The following XIRP2 variants were observed in gnomAD, a reference collection of about 807,000 sequenced individuals.
The protein encoded by XIRP2 is xin actin-binding repeat-containing protein 2.
In XIRP2, 236 loss-of-function variants were observed where a neutral mutation model predicts 277.0. The ratio of observed to expected loss-of-function variants is 0.85; its 90% CI spans 0.77 to 0.95. The LOEUF is 0.95. XIRP2 is among the 40% of genes least tolerant of loss of function. The probability of loss-of-function intolerance (pLI) is 0.00; values close to 1 mark genes in which losing one functional copy is unlikely to be tolerated. For synonymous variants in XIRP2, 1,490 were observed against 1,416.5 expected (o/e 1.05, Z -1.17); for missense variants, 4,640 against 4,157.5 (o/e 1.12, Z -3.19).
chr2:167,214,276 AGAGGGAGGGAGG>A (rs200168568), intron 4 of XIRP2, among the ~76,000 whole-genome samples: 3 of 56,966 alleles, frequency 5.3e-5, no homozygotes, highest in Admixed American at 2.0e-4. Context: ...AGAGAGAAAG[AGAGGGAGGGAGG>A]GAGGGAGGGA....
chr2:167,144,407 C>G (rs1044940385), intron 3 of XIRP2, among the ~76,000 whole-genome samples: 87 of 152,024 alleles, frequency 5.7e-4, no homozygotes, highest in Non-Finnish European at 2.1e-4. Flanking sequence ...GCCAGAGGGT[C>G]TCAGGAATTG....
intron 2 of XIRP2, among the ~76,000 whole-genome samples, chr2:166,954,896 A>T (rs983355886): frequency 6.6e-6 from 1 of 151,750 alleles, no homozygotes; most frequent in Non-Finnish European, 1.5e-5. Flanking sequence ...GGGGAACAAC[A>T]CACACTGGGG....
chr2:166,983,960 A>G (rs929171123), intron 2 of XIRP2, among the ~76,000 whole-genome samples: 3 of 152,176 alleles, frequency 2.0e-5, no homozygotes, highest in African/African-American at 7.2e-5. Context: ...TTCAACCAGT[A>G]TTTAAATATT....
intron 2 of XIRP2, among the ~76,000 whole-genome samples, chr2:167,001,194 T>G (rs2105455644): frequency 6.6e-6 from 1 of 152,238 alleles, no homozygotes; most frequent in East Asian, 1.9e-4. Context: ...CTATGCCTAT[T>G]GGATAAATAA....
At chr2:167,016,284 A>G (rs1444391318) in intron 2 of XIRP2, among the ~76,000 whole-genome samples, 2 of 151,860 alleles carry the variant, frequency 1.3e-5, no homozygotes, top group Non-Finnish European at 2.9e-5. Context: ...TCATCCTAAA[A>G]GTCAGTTTCA....
chr2:167,017,923 A>G (rs957724403), intron 2 of XIRP2, among the ~76,000 whole-genome samples: 8 of 151,996 alleles, frequency 5.3e-5, no homozygotes, highest in East Asian at 1.9e-4. Flanking sequence ...AGACCTTTTT[A>G]CTGCGCACTT....
At chr2:166,985,266 G>C (rs577616349) in intron 2 of XIRP2, among the ~76,000 whole-genome samples, 1 of 152,276 alleles carries the variant, frequency 6.6e-6, no homozygotes, top group East Asian at 1.9e-4. Flanking sequence ...GTTGGAGAGA[G>C]AGATAAGAAA....
intron 2 of XIRP2, among the ~76,000 whole-genome samples, chr2:167,050,855 G>A (rs1688896571): frequency 6.6e-6 from 1 of 151,826 alleles, no homozygotes; most frequent in Admixed American, 6.6e-5. Context: ...GGTGGGCAGA[G>A]AGGGAGAAGC....
chr2:167,117,406 A>C (rs542658361), intron 2 of XIRP2, among the ~76,000 whole-genome samples: 4 of 152,162 alleles, frequency 2.6e-5, no homozygotes, highest in Non-Finnish European at 5.9e-5. Flanking sequence ...AGGTGACTCA[A>C]ATGCGACCTT....
intron 2 of XIRP2, among the ~76,000 whole-genome samples, chr2:167,086,086 G>A (rs1689932888): frequency 5.3e-5 from 8 of 152,038 alleles, no homozygotes; most frequent in Admixed American, 5.2e-4. Context: ...GGTACCGGTT[G>A]TTCCTTTCCA....
intron 9 of XIRP2, among the ~76,000 whole-genome samples, chr2:167,252,259 C>T (rs1377909418): frequency 6.6e-6 from 1 of 151,948 alleles, no homozygotes; most frequent in African/African-American, 2.4e-5. Context: ...AATTTTATTT[C>T]ATGCAATTAT....
intron 2 of XIRP2, among the ~76,000 whole-genome samples, chr2:166,917,701 C>T (rs1447771482): frequency 6.6e-6 from 1 of 151,928 alleles, no homozygotes; most frequent in East Asian, 1.9e-4. Context: ...CTGCTGTCAG[C>T]TCATGGATTG....
chr2:167,009,847 G>A (rs1378356455), intron 2 of XIRP2, among the ~76,000 whole-genome samples: 1 of 152,066 alleles, frequency 6.6e-6, no homozygotes, highest in African/African-American at 2.4e-5. Flanking sequence ...GTGTTTTTTG[G>A]CTGCATAAAT....
chr2:167,047,227 T>A (rs1418410276), intron 2 of XIRP2, among the ~76,000 whole-genome samples: 1 of 151,190 alleles, frequency 6.6e-6, no homozygotes, highest in East Asian at 1.9e-4. Context: ...TTCAAGAAAA[T>A]TTTTACATAC....
rs752437749 is a variant in XIRP2 at position 167,249,453 on chromosome 2, A to C, written c.8061A>C (p.Thr2687=). 11 of 1,613,892 alleles carry C rather than the reference A, an allele frequency of 6.8e-6. No homozygotes were observed. The Middle Eastern group carries it at 6.6e-4, about 97-fold the overall frequency. ...QSHQECSTQQ[T]QQKKYLEQLH... ...ACCAAGAATGTAGTACCCAACAAAC[A>C]CAACAGAAGAAGTATTTGGAGCAGT... Residue 2687 remains threonine (T), a synonymous_variant, in exon 9 of 11, where the codon ACA becomes ACC. Coordinates refer to ENST00000409195, the MANE Select transcript of XIRP2 (RefSeq NM_152381.6).
intron 2 of XIRP2, among the ~76,000 whole-genome samples, chr2:167,007,764 A>G (rs1469360938): frequency 1.3e-5 from 2 of 151,084 alleles, no homozygotes; most frequent in Admixed American, 6.6e-5. Context: ...CAGAGAAAAT[A>G]TTGAATTATC....
At chr2:167,138,251 G>C (rs923992648) in intron 3 of XIRP2, among the ~76,000 whole-genome samples, 7 of 152,134 alleles carry the variant, frequency 4.6e-5, no homozygotes, top group African/African-American at 1.7e-4. Flanking sequence ...ACTTATAAAA[G>C]ATAATTTAAG....
At chr2:167,087,425 G>A (rs1437126576) in intron 2 of XIRP2, among the ~76,000 whole-genome samples, 2 of 152,008 alleles carry the variant, frequency 1.3e-5, no homozygotes, top group Non-Finnish European at 2.9e-5. Context: ...CACAGGTGGA[G>A]CCTACAGAGG....
chr2:166,987,760 CA>C (rs1574140053), intron 2 of XIRP2, among the ~76,000 whole-genome samples: 1 of 152,096 alleles, frequency 6.6e-6, no homozygotes, highest in Admixed American at 6.5e-5. Flanking sequence ...ATAAAGGACT[CA>C]GGGGTCTACT....
Sources: allele counts gnomAD v4.1 joint callset (sites outside exome capture counted in the v4.1 genomes callset), GRCh38; gene constraint gnomAD v4.1.1; transcripts MANE v1.5; gene names NCBI Gene and HGNC (gene_info 2026-07-23, HGNC 2026-07-21).